The following ARHGAP42 variants were observed in gnomAD, a reference collection of about 807,000 sequenced individuals.
ARHGAP42 encodes the protein Rho GTPase activating protein 42, also known as rho GTPase-activating protein 42.
In ARHGAP42, 63 loss-of-function variants were observed where a neutral mutation model predicts 125.0. That is an observed-to-expected ratio of 0.50 (90% CI 0.41 to 0.62). The LOEUF (loss-of-function observed/expected upper bound fraction) is 0.62, where lower values mean the gene tolerates loss of function less well. ARHGAP42 is among the 20% of genes least tolerant of loss of function. The pLI is 0.00. For synonymous variants in ARHGAP42, 339 were observed against 351.0 expected, an observed-to-expected ratio of 0.97 and a Z score of 0.38; for missense variants, 766 against 1,024.2, an observed-to-expected ratio of 0.75 and a Z score of 3.44.
chr11:100,822,594 T>C (rs1479688492), intron 3 of ARHGAP42, among the ~76,000 whole-genome samples: 2 of 152,180 alleles, frequency 1.3e-5, no homozygotes, highest in South Asian at 2.1e-4. Flanking sequence ...TTGAATTATT[T>C]CTACACTGTT....
At chr11:100,971,676 C>A (rs1488502218) in intron 17 of ARHGAP42, among the ~76,000 whole-genome samples, 3 of 152,158 alleles carry the variant, frequency 2.0e-5, no homozygotes, top group African/African-American at 7.2e-5. Flanking sequence ...TAACTATATT[C>A]CACTTTATTT....
At chr11:100,812,412 CA>C (rs1356715981) in intron 3 of ARHGAP42, among the ~76,000 whole-genome samples, 2 of 152,058 alleles carry the variant, frequency 1.3e-5, no homozygotes, top group Non-Finnish European at 2.9e-5. Flanking sequence ...CAACTCTGGT[CA>C]AAAAGAGCTT....
At chr11:100,913,129 C>T (rs1866969852) in intron 4 of ARHGAP42, among the ~76,000 whole-genome samples, 1 of 152,128 alleles carries the variant, frequency 6.6e-6, no homozygotes, top group South Asian at 2.1e-4. Flanking sequence ...AATTATAGAG[C>T]TCTTGGTGGG....
intron 1 of ARHGAP42, among the ~76,000 whole-genome samples, chr11:100,735,602 C>CTTT (rs58522622): frequency 0.018 from 1,298 of 72,838 alleles, 10 homozygotes; most frequent in Non-Finnish European, 0.021. Flanking sequence ...TTTACTTGTA[C>CTTT]TTTTTTTTTT....
chr11:100,812,523 T>C (rs541637674), intron 3 of ARHGAP42, among the ~76,000 whole-genome samples: 2 of 152,218 alleles, frequency 1.3e-5, no homozygotes, highest in African/African-American at 4.8e-5. Flanking sequence ...TAAACTAGGA[T>C]AGGTAGCAGA....
chr11:100,687,880 C>A, intron 1 of ARHGAP42, 48 bp downstream of exon 1: 1 of 1,494,562 alleles, frequency 6.7e-7, no homozygotes, highest in South Asian at 1.3e-5. Flanking sequence ...GGAGAGTCCC[C>A]GCGGGGTGCG....
chr11:100,723,197 A>T lies in ARHGAP42; in HGVS notation c.154+35365A>T, dbSNP rs144383919. 7.3e-3 allele frequency among the ~76,000 whole-genome samples: 1,111 copies of T among 152,198 alleles called. 12 individuals are homozygous for T. The highest frequency in any genetic ancestry group is 0.025 in the African/African-American group (1,043 of 41,528). ...TCTTGAGTACTTTAGATTTATGGTG[A>T]GTCTTGAAGTCAGGTGATGCCCGTC... On this transcript the variant is annotated intron_variant, in intron 1 of 23. Coordinates refer to ENST00000298815, the MANE Select transcript of ARHGAP42 (RefSeq NM_152432.4).
intron 1 of ARHGAP42, among the ~76,000 whole-genome samples, chr11:100,741,656 A>G (rs1862189223): frequency 4.6e-5 from 7 of 152,234 alleles, no homozygotes; most frequent in Admixed American, 4.6e-4. Flanking sequence ...GCAAAGTGCC[A>G]GGTAGAGGAC....
intron 16 of ARHGAP42, 50 bp from the exon 17 acceptor site, chr11:100,965,621 A>G: frequency 1.4e-6 from 2 of 1,427,398 alleles, no homozygotes; most frequent in Non-Finnish European, 1.9e-6. Flanking sequence ...TTACATACCC[A>G]ATTGAATGGA....
intron 1 of ARHGAP42, among the ~76,000 whole-genome samples, chr11:100,716,334 G>A (rs561217305): frequency 1.4e-4 from 21 of 152,172 alleles, no homozygotes; most frequent in African/African-American, 4.3e-4. Context: ...TGTGAAGGAC[G>A]TTTTTAAGCT....
chr11:100,748,760 C>G (rs1332993434), intron 1 of ARHGAP42, among the ~76,000 whole-genome samples: 3 of 141,772 alleles, frequency 2.1e-5, no homozygotes, highest in African/African-American at 7.4e-5. Flanking sequence ...TTGTCAGTGG[C>G]CTCAGTGCTT....
chr11:100,841,697 AC>A lies in ARHGAP42; in HGVS notation c.313-17856del, dbSNP rs1188706800. On this transcript the variant is annotated intron_variant, in intron 3 of 23. Transcript: ENST00000298815. Reference sequence around the variant, plus strand: ...TCTTTTCATTTCATCAATATGTCTTACGGCATTGGCACTTGCTCTTCTCTCT... The same window carrying A: ...TCTTTTCATTTCATCAATATGTCTTAGGCATTGGCACTTGCTCTTCTCTCT... Among the ~76,000 whole-genome samples, 4 of 152,100 alleles carry A rather than the reference AC, an allele frequency of 2.6e-5. No individual in the cohort carries two copies. In the East Asian group the frequency reaches 7.7e-4, roughly 29 times the overall value.
intron 22 of ARHGAP42, among the ~76,000 whole-genome samples, chr11:100,983,770 T>C (rs1858603555): frequency 6.6e-6 from 1 of 152,200 alleles, no homozygotes. Flanking sequence ...CAGTATTACT[T>C]AGATATTCAA....
At chr11:100,806,833 GTTTGTTTA>G (rs1238741435) in intron 3 of ARHGAP42, among the ~76,000 whole-genome samples, 44 of 129,850 alleles carry the variant, frequency 3.4e-4, no homozygotes, top group African/African-American at 5.3e-4. Context: ...TTGTTTGTTT[GTTTGTTTA>G]TTTATTTATT....
chr11:100,734,864 G>A (rs1286913080), intron 1 of ARHGAP42, among the ~76,000 whole-genome samples: 2 of 152,184 alleles, frequency 1.3e-5, no homozygotes, highest in Non-Finnish European at 2.9e-5. Flanking sequence ...TGTGTGCTAT[G>A]ATTCCAAAGA....
At chr11:100,826,229 C>A (rs537967997) in intron 3 of ARHGAP42, among the ~76,000 whole-genome samples, 7 of 152,220 alleles carry the variant, frequency 4.6e-5, no homozygotes, top group African/African-American at 1.7e-4. Flanking sequence ...GTGTGGAATA[C>A]GTCCTATAAT....
intron 2 of ARHGAP42, among the ~76,000 whole-genome samples, chr11:100,778,883 CT>C (rs1345295793): frequency 1.3e-5 from 2 of 152,192 alleles, no homozygotes; most frequent in East Asian, 3.9e-4. Flanking sequence ...AAACCTCATT[CT>C]TTTTTTGTGA....
chr11:100,786,669 G>A (rs568367589), intron 2 of ARHGAP42, among the ~76,000 whole-genome samples: 3 of 152,236 alleles, frequency 2.0e-5, no homozygotes, highest in Non-Finnish European at 4.4e-5. Flanking sequence ...TAGATATATA[G>A]TTTAGAATTA....
intron 3 of ARHGAP42, among the ~76,000 whole-genome samples, chr11:100,851,725 G>T (rs1277242239): frequency 6.6e-6 from 1 of 152,146 alleles, no homozygotes. Context: ...ATCGCCTAAC[G>T]ATCCATTTCT....
Sources: allele counts gnomAD v4.1 joint callset (sites outside exome capture counted in the v4.1 genomes callset), GRCh38; gene constraint gnomAD v4.1.1; transcripts MANE v1.5; gene names NCBI Gene and HGNC (gene_info 2026-07-23, HGNC 2026-07-21).